The following TENM3 variants were observed in gnomAD, a reference collection of about 807,000 sequenced individuals.
TENM3 encodes teneurin-3.
In TENM3, 63 loss-of-function variants were observed where a neutral mutation model predicts 255.1. The ratio of observed to expected loss-of-function variants is 0.25; its 90% CI spans 0.20 to 0.30. TENM3 has a LOEUF of 0.30. TENM3 is among the 10% of genes least tolerant of loss of function. The pLI is 1.00. For missense variants in TENM3, 2,929 were observed against 3,461.1 expected, an observed-to-expected ratio of 0.85 and a Z score of 3.86; for synonymous variants, 1,306 against 1,322.3, an observed-to-expected ratio of 0.99 and a Z score of 0.27.
intron 3 of TENM3, among the ~76,000 whole-genome samples, chr4:182,435,263 A>G (rs980039409): frequency 3.3e-5 from 5 of 152,214 alleles, no homozygotes; most frequent in African/African-American, 1.2e-4. Flanking sequence ...TTTTCCTTCA[A>G]CTGTATTGCT....
At chr4:181,521,361 T>C in the TENM3 span, among the ~76,000 whole-genome samples, 1 of 152,242 alleles carries the variant, frequency 6.6e-6, no homozygotes, top group African/African-American at 2.4e-5. Flanking sequence ...TTAGTTCTTG[T>C]TAAATATATA....
At chr4:181,853,953 C>A in the TENM3 span, among the ~76,000 whole-genome samples, 2 of 152,182 alleles carry the variant, frequency 1.3e-5, no homozygotes, top group Non-Finnish European at 2.9e-5. Context: ...TATTACAAAC[C>A]TAGCAGGATT....
the TENM3 span, among the ~76,000 whole-genome samples, chr4:182,133,351 A>G: frequency 2.6e-5 from 4 of 152,240 alleles, no homozygotes; most frequent in African/African-American, 7.2e-5. Context: ...CTGACCTGTC[A>G]ATGCCTAGCT....
the TENM3 span, among the ~76,000 whole-genome samples, chr4:181,751,052 A>G: frequency 6.6e-6 from 1 of 152,264 alleles, no homozygotes; most frequent in East Asian, 1.9e-4. Flanking sequence ...GCTTGTTCAA[A>G]CTGGCCACAT....
chr4:181,743,957 A>T, the TENM3 span, among the ~76,000 whole-genome samples: 1 of 152,070 alleles, frequency 6.6e-6, no homozygotes, highest in Admixed American at 6.5e-5. Flanking sequence ...ATTCTTCTTG[A>T]TGTTCTCCCT....
chr4:181,480,380 A>G, the TENM3 span, among the ~76,000 whole-genome samples: 1 of 152,172 alleles, frequency 6.6e-6, no homozygotes, highest in African/African-American at 2.4e-5. Flanking sequence ...TAAGTTACAC[A>G]AGGTTAAAAT....
chr4:181,750,330 G>C, the TENM3 span, among the ~76,000 whole-genome samples: 1 of 152,112 alleles, frequency 6.6e-6, no homozygotes, highest in Admixed American at 6.6e-5. Flanking sequence ...TGATGAAAAA[G>C]TTAGGGAAAG....
the TENM3 span, among the ~76,000 whole-genome samples, chr4:181,972,074 G>A: frequency 1.3e-5 from 2 of 151,808 alleles, no homozygotes; most frequent in African/African-American, 4.8e-5. Flanking sequence ...AAAGGTATGG[G>A]AAACTACTTT....
the TENM3 span, among the ~76,000 whole-genome samples, chr4:181,680,498 C>T: frequency 2.4e-3 from 371 of 152,154 alleles, 1 homozygote; most frequent in Non-Finnish European, 4.3e-3. Context: ...GATGTCTTGC[C>T]GAAGCAACCA....
At chr4:181,717,780 G>A in the TENM3 span, among the ~76,000 whole-genome samples, 4 of 152,092 alleles carry the variant, frequency 2.6e-5, no homozygotes, top group African/African-American at 9.7e-5. Context: ...CCTCCTTACT[G>A]AACGATGTGG....
the TENM3 span, among the ~76,000 whole-genome samples, chr4:182,132,454 T>C: frequency 6.6e-6 from 1 of 151,972 alleles, no homozygotes; most frequent in African/African-American, 2.4e-5. Flanking sequence ...CTGCACTCAC[T>C]GCCACAGCCT....
chr4:182,112,823 C>T, the TENM3 span, among the ~76,000 whole-genome samples: 5 of 152,116 alleles, frequency 3.3e-5, no homozygotes, highest in Non-Finnish European at 7.4e-5. Flanking sequence ...AGTTTCAGCT[C>T]GATATTGATT....
At chr4:181,756,006 G>A in the TENM3 span, among the ~76,000 whole-genome samples, 7 of 152,206 alleles carry the variant, frequency 4.6e-5, no homozygotes, top group African/African-American at 7.2e-5. Context: ...AATATGTGAC[G>A]ATGACGTGCC....
chr4:182,354,781 G>A (rs759819645), intron 3 of TENM3, among the ~76,000 whole-genome samples: 9 of 152,230 alleles, frequency 5.9e-5, no homozygotes, highest in East Asian at 1.9e-4. Flanking sequence ...ATAGAAATGC[G>A]TATACACTTA....
intron 3 of TENM3, among the ~76,000 whole-genome samples, chr4:182,359,191 G>A (rs1289488546): frequency 6.6e-6 from 1 of 152,056 alleles, no homozygotes; most frequent in Non-Finnish European, 1.5e-5. Flanking sequence ...TTTTTTGGTT[G>A]TGTCTCTGCC....
the TENM3 span, among the ~76,000 whole-genome samples, chr4:181,858,228 G>A: frequency 8.9e-4 from 136 of 152,310 alleles, no homozygotes; most frequent in Admixed American, 2.2e-3. Context: ...TGGCATATGT[G>A]TTGATATGCA....
intron 3 of TENM3, among the ~76,000 whole-genome samples, chr4:182,598,743 T>C (rs1479760815): frequency 1.3e-5 from 2 of 152,196 alleles, no homozygotes; most frequent in Non-Finnish European, 2.9e-5. Context: ...GATGAATAAA[T>C]GAATGAGTGG....
At chr4:182,544,158 G>T (rs149211860) in intron 3 of TENM3, among the ~76,000 whole-genome samples, 1,675 of 152,068 alleles carry the variant, frequency 0.011, 17 homozygotes, top group Non-Finnish European at 0.018. Flanking sequence ...ATTCAGAAAG[G>T]TATATACATG....
At position 182,800,626 on chromosome 4, in the gene TENM3, G is replaced by C; in HGVS notation, c.*275G>C. On this transcript the variant is annotated 3_prime_UTR_variant, in exon 28 of 28. Coordinates refer to ENST00000511685, the MANE Select transcript of TENM3 (RefSeq NM_001080477.4). ...AAAAATCATCAAGGACAAAGGCCTC[G>C]ACCTGTTGCGCTGGGCCGTCTGTTC... 5.7e-6 allele frequency: 2 copies of C among 351,886 alleles called. No homozygotes were observed. The highest frequency in any genetic ancestry group is 1.0e-5 in the Non-Finnish European group (2 of 193,274). 21.8% of individuals were successfully genotyped at this position (351,886 alleles called of 1,614,324 possible).
Sources: gnomAD v4.1 joint callset for allele counts (sites outside exome capture counted in the v4.1 genomes callset) on GRCh38, gnomAD v4.1.1 for gene constraint, MANE v1.5 for transcripts, NCBI Gene and HGNC (gene_info 2026-07-23, HGNC 2026-07-21) for gene names.